Variants in SHB observed in about 807,000 individuals in gnomAD.
SHB encodes SH2 domain-containing adapter protein B.
A neutral mutation model predicts 52.3 loss-of-function variants in SHB; 20 were observed. That is an observed-to-expected ratio of 0.38 (90% confidence interval 0.27 to 0.56). SHB has a LOEUF of 0.56. Among genes scored for constraint, SHB ranks in the 20% least tolerant of loss-of-function variants. SHB has a pLI of 0.71. For missense variants in SHB, 825 were observed against 723.3 expected (o/e 1.14, Z -1.61); for synonymous variants, 397 against 316.5 (o/e 1.25, Z -2.70).
chr9:38,019,052 C>A (rs1821251029), intron 1 of SHB, among the ~76,000 whole-genome samples: 1 of 152,198 alleles, frequency 6.6e-6, no homozygotes, highest in Admixed American at 6.5e-5. Flanking sequence ...CAGGCCAGGC[C>A]ACCTGGGTCC....
chr9:38,004,672 C>A (rs1193781437), intron 2 of SHB, among the ~76,000 whole-genome samples: 2 of 152,220 alleles, frequency 1.3e-5, no homozygotes, highest in Non-Finnish European at 2.9e-5. Flanking sequence ...TGGAAGGCCC[C>A]CGACCTGGTG....
intron 2 of SHB, among the ~76,000 whole-genome samples, chr9:37,994,238 A>G (rs1820920936): frequency 6.6e-6 from 1 of 152,234 alleles, no homozygotes; most frequent in Admixed American, 6.5e-5. Flanking sequence ...TGACCCCAGC[A>G]AATCCTCCAA....
At chr9:37,969,034 T>C (rs1157484743) in intron 3 of SHB, among the ~76,000 whole-genome samples, 2 of 152,240 alleles carry the variant, frequency 1.3e-5, no homozygotes, top group Non-Finnish European at 2.9e-5. Flanking sequence ...AAACCCTGAC[T>C]GGATCCATTT....
chr9:38,068,520 C>G lies in SHB; in HGVS notation c.126G>C (p.Gln42His). The G allele has an allele frequency of 6.8e-7, 1 of 1,460,108 alleles. No homozygotes were observed. The highest frequency in any genetic ancestry group is 1.4e-5 in the South Asian group (1 of 73,272). 90.4% of individuals were successfully genotyped at this position (1,460,108 alleles called of 1,614,324 possible). ...CGGCGGAGGAGGCCTGCGGCACGGC[C>G]TGGGGGGGCTGCGAAGGCCGCTCGC... ...RRGERPSQPP[Q>H]AVPQASSAAS... The change falls in exon 1 of 6, where the codon CAG becomes CAC. Residue 42 changes from glutamine to histidine, a missense_variant. Physicochemically the swap from Gln to His is conservative, Grantham distance 24. Coordinates refer to ENST00000377707, the MANE Select transcript of SHB (RefSeq NM_003028.3).
In SHB at chr9:37,919,747, G is replaced by A. The variant is rs1832152913; in HGVS notation, c.*74C>T. ...AACGACACAGCCAGCAACAGTGGCT[G>A]GGCTGGTTGGTGGGGGGCCTCTGGC... On this transcript the variant is annotated 3_prime_UTR_variant, in exon 6 of 6. Transcript: ENST00000377707. 1 of 1,176,190 alleles carries A rather than the reference G, an allele frequency of 8.5e-7. No homozygotes were observed. The highest frequency in any genetic ancestry group is 1.8e-5 in the Admixed American group (1 of 56,324). The allele number at this position is 1,176,190 out of a possible 1,614,324, so 72.9% of individuals were successfully genotyped here.
intron 5 of SHB, among the ~76,000 whole-genome samples, chr9:37,936,256 A>G (rs1158199600): frequency 1.3e-5 from 2 of 152,136 alleles, no homozygotes; most frequent in Admixed American, 6.5e-5. Context: ...ATTATAAAAG[A>G]GATTCACTGT....
intron 3 of SHB, among the ~76,000 whole-genome samples, chr9:37,970,120 C>T (rs916180819): frequency 1.3e-5 from 2 of 152,280 alleles, no homozygotes; most frequent in Admixed American, 6.5e-5. Context: ...GCCAGCAGCC[C>T]GTGGTGGAAC....
At chr9:37,994,035 GCTTC>G (rs1238005887) in intron 2 of SHB, among the ~76,000 whole-genome samples, 7 of 152,198 alleles carry the variant, frequency 4.6e-5, no homozygotes, top group Non-Finnish European at 7.3e-5. Context: ...CTCCTTTGCA[GCTTC>G]CTTGTCTGCA....
intron 5 of SHB, 116 bp downstream of exon 5, chr9:37,948,519 G>A (rs949666746): frequency 1.9e-5 from 24 of 1,254,740 alleles, no homozygotes; most frequent in African/African-American, 5.9e-5. Context: ...CTAAAATAAC[G>A]TGTGCTGGCA....
At position 37,920,275 on chromosome 9, in the gene SHB, A is replaced by AAAAACAAAACAAAACAAAAC. The variant is rs60630259; in HGVS notation, c.1347-291_1347-272dup. 5.7e-4 allele frequency among the ~76,000 whole-genome samples: 83 copies of AAAAACAAAACAAAACAAAAC among 145,374 alleles called. 1 individual carries two copies. The highest frequency in any genetic ancestry group is 1.7e-3 in the African/African-American group (68 of 39,342). On this transcript the variant is annotated intron_variant, in intron 5 of 5. Transcript: ENST00000377707. ...TGAGCGCTTCTAGGGACTTCTTCAGAAAAACAAAACAAAACAAAACAAAAC... is the reference window on the plus strand; with the variant it reads ...TGAGCGCTTCTAGGGACTTCTTCAGAAAAACAAAACAAAACAAAACAAAACAAAACAAAACAAAACAAAAC...
chr9:37,978,483 A>C (rs148583892), intron 2 of SHB, among the ~76,000 whole-genome samples: 2 of 152,380 alleles, frequency 1.3e-5, no homozygotes, highest in East Asian at 3.9e-4. Flanking sequence ...CATTAAAATG[A>C]TCAATCTGAA....
At chr9:38,038,322 A>G (rs1356198868) in intron 1 of SHB, among the ~76,000 whole-genome samples, 1 of 152,138 alleles carries the variant, frequency 6.6e-6, no homozygotes, top group African/African-American at 2.4e-5. Context: ...GAGCCCCAGG[A>G]ACCAACACTC....
chr9:38,027,353 T>G (rs1437624901), intron 1 of SHB, among the ~76,000 whole-genome samples: 1 of 152,044 alleles, frequency 6.6e-6, no homozygotes, highest in Non-Finnish European at 1.5e-5. Context: ...AGAAGCTGAG[T>G]CAATGAACCA....
At chr9:37,931,410 A>T (rs1832309598) in intron 5 of SHB, among the ~76,000 whole-genome samples, 1 of 152,238 alleles carries the variant, frequency 6.6e-6, no homozygotes, top group African/African-American at 2.4e-5. Flanking sequence ...AAATAACCTG[A>T]TTATAAAATG....
intron 1 of SHB, among the ~76,000 whole-genome samples, chr9:38,056,167 G>A (rs896092547): frequency 4.6e-5 from 7 of 152,158 alleles, no homozygotes; most frequent in African/African-American, 1.7e-4. Context: ...GGTACCTGAA[G>A]ATCATGAGCA....
In SHB at chr9:38,068,666, C is replaced by A; in HGVS notation, c.-21G>T. 2 of 1,319,092 alleles carry A rather than the reference C, an allele frequency of 1.5e-6. No individual in the cohort carries two copies. The highest frequency in any genetic ancestry group is 1.5e-5 in the African/African-American group (1 of 64,862). The allele number at this position is 1,319,092 out of a possible 1,614,324, so 81.7% of individuals were successfully genotyped here. On this transcript the variant is annotated 5_prime_UTR_variant, in exon 1 of 6. Coordinates refer to ENST00000377707, the MANE Select transcript of SHB (RefSeq NM_003028.3). ...GCCATGGCGAGAGGCCGCCTAGGGC[C>A]GCGGCGCGGGAGCCCGGTCCGCCGC... is the stretch of plus-strand genomic sequence containing the variant.
intron 4 of SHB, among the ~76,000 whole-genome samples, chr9:37,954,018 G>A (rs778839631): frequency 6.6e-6 from 1 of 152,234 alleles, no homozygotes; most frequent in Non-Finnish European, 1.5e-5. Context: ...GGGGGTGGGA[G>A]TGGGCAGGCT....
At chr9:37,928,354 A>G (rs931738962) in intron 5 of SHB, among the ~76,000 whole-genome samples, 1 of 152,210 alleles carries the variant, frequency 6.6e-6, no homozygotes, top group African/African-American at 2.4e-5. Flanking sequence ...GGATGGACAG[A>G]ATCCAGGCCA....
intron 3 of SHB, among the ~76,000 whole-genome samples, chr9:37,966,527 CT>C (rs1380739484): frequency 6.6e-6 from 1 of 152,236 alleles, no homozygotes; most frequent in Non-Finnish European, 1.5e-5. Flanking sequence ...TGAAACCCCC[CT>C]TTCCTGGGCA....
Sources: gnomAD v4.1 joint callset for allele counts (sites outside exome capture counted in the v4.1 genomes callset) on GRCh38, gnomAD v4.1.1 for gene constraint, MANE v1.5 for transcripts, NCBI Gene and HGNC (gene_info 2026-07-23, HGNC 2026-07-21) for gene names.